LRPPRC: variants seen among roughly 807,000 people sequenced by gnomAD.
The protein encoded by LRPPRC is leucine-rich PPR motif-containing protein, mitochondrial.
LRPPRC carries 120 observed loss-of-function variants against 180.3 expected under a neutral mutation model. That is an observed-to-expected ratio of 0.67 (90% CI 0.57 to 0.77). The LOEUF (loss-of-function observed/expected upper bound fraction) is 0.77. Among genes scored for constraint, LRPPRC ranks in the 30% least tolerant of loss-of-function variants. The pLI is 0.00. For missense variants in LRPPRC, 2,012 were observed against 1,657.2 expected, an observed-to-expected ratio of 1.21 and a Z score of -3.72; for synonymous variants, 723 against 600.0, an observed-to-expected ratio of 1.21 and a Z score of -3.00.
chr2:43,907,736 G>C (rs918645237), intron 30 of LRPPRC, among the ~76,000 whole-genome samples: 1 of 152,064 alleles, frequency 6.6e-6, no homozygotes, highest in Non-Finnish European at 1.5e-5. Context: ...AGGGGAAAAA[G>C]AGTACCCTCT....
At chr2:43,892,562 G>A (rs1033159859) in intron 36 of LRPPRC, 4 of 152,138 alleles carry the variant, frequency 2.6e-5, no homozygotes, top group African/African-American at 9.7e-5. Flanking sequence ...TAATGCACCT[G>A]GTCACCCAAG....
At chr2:43,963,306 TG>T (rs1217516426) in intron 12 of LRPPRC, among the ~76,000 whole-genome samples, 1 of 151,962 alleles carries the variant, frequency 6.6e-6, no homozygotes, top group Non-Finnish European at 1.5e-5. Context: ...TAGCTAGCCA[TG>T]GTGGCGCATG....
intron 31 of LRPPRC, among the ~76,000 whole-genome samples, chr2:43,904,902 T>C (rs1375243135): frequency 6.6e-6 from 1 of 152,122 alleles, no homozygotes; most frequent in Non-Finnish European, 1.5e-5. Context: ...CAAATTCAAA[T>C]GTAAATCTTA....
chr2:43,985,343 T>A (rs1033476585), intron 1 of LRPPRC, among the ~76,000 whole-genome samples: 2 of 152,188 alleles, frequency 1.3e-5, no homozygotes, highest in Non-Finnish European at 2.9e-5. Context: ...TGCTGATACA[T>A]TATCCATCAA....
In LRPPRC at chr2:43,906,537, G is replaced by A. The variant is rs149040179; in HGVS notation, c.3276-757C>T. Among the ~76,000 whole-genome samples, 74 of 152,272 alleles carry A rather than the reference G, an allele frequency of 4.9e-4. 1 individual carries two copies. The highest frequency in any genetic ancestry group is 6.2e-4 in the South Asian group (3 of 4,822). Reference sequence around the variant, plus strand: ...GATTTCTGTTTGCTACACTGTTTGCGCATCTCCTGTGATGAAATTTCTGCA... The same window carrying A: ...GATTTCTGTTTGCTACACTGTTTGCACATCTCCTGTGATGAAATTTCTGCA... On this transcript the variant is annotated intron_variant, in intron 30 of 37. Coordinates refer to ENST00000260665, the MANE Select transcript of LRPPRC (RefSeq NM_133259.4).
At chr2:43,954,122 A>G (rs1213906308) in intron 14 of LRPPRC, among the ~76,000 whole-genome samples, 1 of 151,974 alleles carries the variant, frequency 6.6e-6, no homozygotes, top group Non-Finnish European at 1.5e-5. Context: ...AACTCCTTTG[A>G]CTCCTTCCAG....
intron 11 of LRPPRC, among the ~76,000 whole-genome samples, chr2:43,970,288 C>T (rs918094611): frequency 2.6e-5 from 4 of 152,126 alleles, no homozygotes; most frequent in Non-Finnish European, 4.4e-5. Flanking sequence ...ATCTTTCTAA[C>T]TGAAACTAAA....
chr2:43,896,519 T>C, intron 35 of LRPPRC, 115 bp downstream of exon 35: 1 of 701,932 alleles, frequency 1.4e-6, no homozygotes, highest in Non-Finnish European at 2.5e-6. Context: ...AAGTCTTGAA[T>C]CTCTATAGTA....
At chr2:43,890,409 T>A (rs1053248285) in intron 36 of LRPPRC, 1 of 462,970 alleles carries the variant, frequency 2.2e-6, no homozygotes, top group African/African-American at 2.0e-5. Flanking sequence ...GCTACAATGA[T>A]ACACACACAC....
Position 43,918,237 on chromosome 2 carries a change from T to A in LRPPRC, c.3039+19A>T. On this transcript the variant is annotated intron_variant, in intron 28 of 37. Coordinates refer to ENST00000260665, the MANE Select transcript of LRPPRC (RefSeq NM_133259.4). ...ATACTGACAACAAAATCTGTTACGA[T>A]TATGCCAAAAACAATTACCTCAGGT... 6.2e-7 allele frequency: 1 copy of A among 1,612,290 alleles called. No homozygotes were observed. The highest frequency in any genetic ancestry group is 8.5e-7 in the Non-Finnish European group (1 of 1,178,386).
intron 14 of LRPPRC, among the ~76,000 whole-genome samples, chr2:43,954,435 A>G (rs1165189711): frequency 6.6e-6 from 1 of 152,222 alleles, no homozygotes; most frequent in Non-Finnish European, 1.5e-5. Flanking sequence ...CCAAAATTAA[A>G]AAGCATTGTA....
chr2:43,905,779 C>G lies in LRPPRC; in HGVS notation c.3277G>C (p.Ala1093Pro). ...GTGAAGCCCTTGATGTGGGTCTCCG[C>G]GCTAAAAGAAGCAGACATTTAGAAA... ...FTQAMEVKAF[A>P]ETHIKGFTLN... The change falls in exon 31 of 38, where the codon GCG becomes CCG. Residue 1093 changes from alanine to proline, a missense_variant and splice_region_variant. Physicochemically the swap from Ala to Pro is conservative, Grantham distance 27. Transcript: ENST00000260665. The G allele has an allele frequency of 6.2e-7, 1 of 1,601,072 alleles. No individual in the cohort carries two copies. The highest frequency in any genetic ancestry group is 1.1e-5 in the South Asian group (1 of 90,850).
At chr2:43,911,212 G>C (rs1169540635) in intron 30 of LRPPRC, among the ~76,000 whole-genome samples, 1 of 151,332 alleles carries the variant, frequency 6.6e-6, no homozygotes, top group Non-Finnish European at 1.5e-5. Context: ...ATGACACACA[G>C]AGTACATTAA....
chr2:43,976,727 A>G (rs1396554180), intron 5 of LRPPRC, among the ~76,000 whole-genome samples: 2 of 151,382 alleles, frequency 1.3e-5, no homozygotes, highest in Non-Finnish European at 2.9e-5. Flanking sequence ...AAAAAAAAAA[A>G]GCAAAGTCAG....
intron 30 of LRPPRC, among the ~76,000 whole-genome samples, chr2:43,909,922 A>G (rs1671198530): frequency 6.6e-6 from 1 of 152,206 alleles, no homozygotes; most frequent in South Asian, 2.1e-4. Flanking sequence ...CAACCTTGGT[A>G]GATCAAGATC....
At chr2:43,901,228 C>T in intron 32 of LRPPRC, 92 bp downstream of exon 32, 1 of 851,814 alleles carries the variant, frequency 1.2e-6, no homozygotes, top group Non-Finnish European at 2.0e-6. Context: ...GATAAGGTTT[C>T]CACATGTCTA....
At chr2:43,992,508 A>C (rs750973114) in intron 1 of LRPPRC, among the ~76,000 whole-genome samples, 4 of 152,340 alleles carry the variant, frequency 2.6e-5, no homozygotes, top group Non-Finnish European at 2.9e-5. Context: ...AAGAGTCTGG[A>C]TCTCCTTCTG....
chr2:43,947,844 A>T, intron 18 of LRPPRC, 69 bp from the exon 19 acceptor site: 1 of 1,033,024 alleles, frequency 9.7e-7, no homozygotes, highest in African/African-American at 1.6e-5. Flanking sequence ...AAACATCAAA[A>T]GCAAATTTGT....
In LRPPRC at chr2:43,973,885, T is replaced by C; in HGVS notation, c.1171A>G (p.Thr391Ala). 1 of 1,608,168 alleles carries C rather than the reference T, an allele frequency of 6.2e-7. No individual in the cohort carries two copies. The highest frequency in any genetic ancestry group is 8.5e-7 in the Non-Finnish European group (1 of 1,174,856). ...VTMNTPVEKL[T>A]DYCKKLKEVQ... is the part of the protein sequence containing the mutation. The stretch of plus-strand genomic sequence containing the variant: ...TCCTTTAACTTCTTACAGTAGTCTG[T>C]TAGCTTCTCCACAGGCTGTGGGAAA... The change falls in exon 10 of 38, where the codon ACA becomes GCA. Residue 391 changes from threonine to alanine, a missense_variant. Physicochemically the swap from Thr to Ala is moderately conservative, Grantham distance 58 (BLOSUM62 0). Transcript: ENST00000260665.
Sources: allele counts gnomAD v4.1 joint callset (sites outside exome capture counted in the v4.1 genomes callset), GRCh38; gene constraint gnomAD v4.1.1; transcripts MANE v1.5; gene names NCBI Gene and HGNC (gene_info 2026-07-23, HGNC 2026-07-21).